Variants in MYO1B observed in about 807,000 individuals in gnomAD.
MYO1B encodes the protein unconventional myosin-Ib.
In MYO1B, 72 loss-of-function variants were observed where a neutral mutation model predicts 159.7. The observed-to-expected ratio is 0.45, with a 90% CI of 0.37 to 0.55. The LOEUF (loss-of-function observed/expected upper bound fraction) is 0.55. Ranked by LOEUF, MYO1B falls within the 20% of genes least tolerant of loss-of-function variation. The pLI is 0.00. For synonymous variants in MYO1B, 468 were observed against 473.8 expected (o/e 0.99, Z 0.16); for missense variants, 1,062 against 1,364.8 (o/e 0.78, Z 3.50).
intron 30 of MYO1B, among the ~76,000 whole-genome samples, chr2:191,416,910 C>G (rs1030390557): frequency 2.0e-5 from 3 of 152,050 alleles, no homozygotes; most frequent in African/African-American, 7.2e-5. Flanking sequence ...CATTAGGGTT[C>G]TGAATATAGA....
chr2:191,352,889 C>T (rs1461253111), intron 7 of MYO1B, among the ~76,000 whole-genome samples: 4 of 152,102 alleles, frequency 2.6e-5, no homozygotes, highest in African/African-American at 4.8e-5. Context: ...CTTCTTGTAG[C>T]GTAGAAAAGA....
chr2:191,302,201 C>T (rs1286190198), intron 3 of MYO1B, among the ~76,000 whole-genome samples: 1 of 152,224 alleles, frequency 6.6e-6, no homozygotes, highest in Non-Finnish European at 1.5e-5. Context: ...TATCAGACCA[C>T]TCGTGGTCGT....
chr2:191,370,777 C>CA (rs1408431692), intron 13 of MYO1B, among the ~76,000 whole-genome samples: 1 of 152,178 alleles, frequency 6.6e-6, no homozygotes, highest in African/African-American at 2.4e-5. Flanking sequence ...CTGTGAGACT[C>CA]AGAGAAAGAG....
At chr2:191,407,184 A>G (rs1464948613) in intron 24 of MYO1B, among the ~76,000 whole-genome samples, 3 of 152,268 alleles carry the variant, frequency 2.0e-5, no homozygotes, top group Non-Finnish European at 4.4e-5. Flanking sequence ...ATATGCATAC[A>G]GAACATTTAT....
intron 25 of MYO1B, among the ~76,000 whole-genome samples, chr2:191,408,436 A>T (rs1301466308): frequency 6.6e-6 from 1 of 152,182 alleles, no homozygotes; most frequent in Non-Finnish European, 1.5e-5. Context: ...GCCTTATTTG[A>T]CAAGAGAGAA....
At chr2:191,352,599 A>G (rs1692997644) in intron 7 of MYO1B, among the ~76,000 whole-genome samples, 1 of 152,230 alleles carries the variant, frequency 6.6e-6, no homozygotes, top group Non-Finnish European at 1.5e-5. Context: ...TAAGATTAAT[A>G]TATCTTCATG....
At chr2:191,392,044 T>C (rs530851312) in intron 18 of MYO1B, 64 bp from the exon 19 acceptor site, 6 of 1,211,256 alleles carry the variant, frequency 5.0e-6, no homozygotes, top group Non-Finnish European at 7.2e-6. Context: ...CCTGATACCA[T>C]GATAGAAGAT....
chr2:191,334,717 G>GA (rs1348752574), intron 4 of MYO1B, among the ~76,000 whole-genome samples: 1 of 152,140 alleles, frequency 6.6e-6, no homozygotes, highest in African/African-American at 2.4e-5. Flanking sequence ...ACAGCACATA[G>GA]AATTAGGTGC....
At chr2:191,383,960 T>A (rs1695252622) in intron 15 of MYO1B, among the ~76,000 whole-genome samples, 1 of 152,186 alleles carries the variant, frequency 6.6e-6, no homozygotes, top group Admixed American at 6.5e-5. Context: ...CAGAAGTGGC[T>A]TAAGTGCAGC....
chr2:191,411,293 A>G lies in MYO1B; in HGVS notation c.2873+121A>G, dbSNP rs144829795. 8.8e-5 allele frequency: 52 copies of G among 590,506 alleles called. No homozygotes were observed. In the East Asian group the frequency reaches 1.5e-3, roughly 17 times the overall value. 36.6% of individuals were successfully genotyped at this position (590,506 alleles called of 1,614,324 possible). ...AGATGAGTGATTTTTAGTTCTGTGA[A>G]TCATTTTATAATCAGCTTGATGTAA... On this transcript the variant is annotated intron_variant, in intron 27 of 30. Coordinates refer to ENST00000392318, the MANE Select transcript of MYO1B (RefSeq NM_001130158.3).
intron 2 of MYO1B, among the ~76,000 whole-genome samples, chr2:191,290,858 T>C (rs1027102050): frequency 1.3e-5 from 2 of 152,104 alleles, no homozygotes; most frequent in African/African-American, 4.8e-5. Context: ...CATAGGAGTA[T>C]TTAAAGGGGA....
At chr2:191,371,461 T>C (rs1204640078) in intron 13 of MYO1B, among the ~76,000 whole-genome samples, 1 of 152,174 alleles carries the variant, frequency 6.6e-6, no homozygotes, top group Non-Finnish European at 1.5e-5. Context: ...GTGTGTATGG[T>C]CTGATTTACT....
At chr2:191,414,214 T>TA in intron 28 of MYO1B, 34 bp downstream of exon 28, 5 of 1,587,952 alleles carry the variant, frequency 3.1e-6, no homozygotes, top group Non-Finnish European at 4.3e-6. Flanking sequence ...TGATAAGAAG[T>TA]ACCTATTAGT....
intron 2 of MYO1B, among the ~76,000 whole-genome samples, chr2:191,293,697 G>T (rs1346365670): frequency 6.6e-6 from 1 of 152,156 alleles, no homozygotes; most frequent in African/African-American, 2.4e-5. Flanking sequence ...GTGGATTTGA[G>T]TTGGTTTCTT....
intron 30 of MYO1B, among the ~76,000 whole-genome samples, chr2:191,420,595 C>CA (rs1697876992): frequency 6.6e-6 from 1 of 152,298 alleles, no homozygotes; most frequent in African/African-American, 2.4e-5. Context: ...TGCACAATGA[C>CA]AAAATCACCT....
chr2:191,267,909 C>T (rs1171504536), intron 1 of MYO1B, among the ~76,000 whole-genome samples: 3 of 152,130 alleles, frequency 2.0e-5, no homozygotes, highest in Non-Finnish European at 4.4e-5. Flanking sequence ...GGAAGGGTAG[C>T]GATGATGGAA....
chr2:191,335,857 T>C (rs561641614), intron 4 of MYO1B, among the ~76,000 whole-genome samples: 5 of 152,338 alleles, frequency 3.3e-5, no homozygotes, highest in African/African-American at 9.6e-5. Flanking sequence ...ACTCTTAAGC[T>C]GCGGAGTTAT....
chr2:191,256,276 T>C (rs1686441895), intron 1 of MYO1B, among the ~76,000 whole-genome samples: 1 of 152,188 alleles, frequency 6.6e-6, no homozygotes, highest in Non-Finnish European at 1.5e-5. Flanking sequence ...CCTGGGCTTG[T>C]AGCTTAAACG....
chr2:191,296,061 A>G lies in MYO1B; in HGVS notation c.136-50A>G, dbSNP rs779407103. The G allele has an allele frequency of 5.8e-5, 64 of 1,101,256 alleles. 1 individual carries two copies. In the Admixed American group the frequency reaches 1.5e-3, roughly 26 times the overall value. The allele number at this position is 1,101,256 out of a possible 1,614,324, so 68.2% of individuals were successfully genotyped here. A position where few individuals can be genotyped will look rare whatever the true frequency, so the allele number is the denominator to read the frequency against. On this transcript the variant is annotated intron_variant, in intron 2 of 30. Coordinates refer to ENST00000392318, the MANE Select transcript of MYO1B (RefSeq NM_001130158.3). ...CAACACTAAAGCTTAAGACGTTAAA[A>G]TACATTTTGTGTACTAACTAATGGG...
Sources: gnomAD v4.1 joint callset for allele counts (sites outside exome capture counted in the v4.1 genomes callset) on GRCh38, gnomAD v4.1.1 for gene constraint, MANE v1.5 for transcripts, NCBI Gene and HGNC (gene_info 2026-07-23, HGNC 2026-07-21) for gene names.